ST6GALNAC5: variants seen among roughly 807,000 people sequenced by gnomAD.
The protein encoded by ST6GALNAC5 is ST6 N-acetylgalactosaminide alpha-2,6-sialyltransferase 5, also known as alpha-N-acetylgalactosaminide alpha-2,6-sialyltransferase 5.
In ST6GALNAC5, 27 loss-of-function variants were observed where a neutral mutation model predicts 33.6. The ratio of observed to expected loss-of-function variants is 0.80; its 90% confidence interval spans 0.59 to 1.11. The LOEUF (loss-of-function observed/expected upper bound fraction) is 1.11, where lower values mean the gene tolerates loss of function less well. ST6GALNAC5 is among the 50% of genes least tolerant of loss of function. The pLI, the probability that ST6GALNAC5 is intolerant of heterozygous loss-of-function variation, is 0.00. For missense variants in ST6GALNAC5, 428 were observed against 454.0 expected (o/e 0.94, Z 0.52); for synonymous variants, 194 against 171.2 (o/e 1.13, Z -1.04).
At chr1:77,028,730 A>G (rs1183535375) in intron 2 of ST6GALNAC5, among the ~76,000 whole-genome samples, 2 of 152,216 alleles carry the variant, frequency 1.3e-5, no homozygotes. Context: ...GAACCCTCAC[A>G]GCTTTATGAG....
At chr1:76,938,489 A>G (rs1353317586) in intron 2 of ST6GALNAC5, among the ~76,000 whole-genome samples, 1 of 151,804 alleles carries the variant, frequency 6.6e-6, no homozygotes, top group Non-Finnish European at 1.5e-5. Context: ...AAATAGAACA[A>G]CTCTCCAGAG....
chr1:77,044,319 C>T lies in ST6GALNAC5; in HGVS notation c.377C>T (p.Ala126Val), dbSNP rs1651930716. ...GAGTGTGTCATCCGCATGAATGACG[C>T]CCCCACACGCGGCTATGGGCGTGAC... ...QTECVIRMNDAPTRGYGRDVG... is the reference protein window; with the variant it reads ...QTECVIRMNDVPTRGYGRDVG... The change falls in exon 3 of 5, where the codon GCC becomes GTC. Residue 126 changes from alanine to valine, a missense_variant. By Grantham distance (64) the Ala-to-Val change is moderately conservative. Transcript: ENST00000477717. The T allele has an allele frequency of 6.2e-7, 1 of 1,613,976 alleles. No homozygotes were observed. The highest frequency in any genetic ancestry group is 8.5e-7 in the Non-Finnish European group (1 of 1,180,040).
At chr1:76,968,541 C>T (rs908526836) in intron 2 of ST6GALNAC5, among the ~76,000 whole-genome samples, 1 of 152,170 alleles carries the variant, frequency 6.6e-6, no homozygotes, top group Non-Finnish European at 1.5e-5. Context: ...TCCAATTTTC[C>T]AGTCTGTGCC....
At chr1:76,960,496 A>T (rs1196338513) in intron 2 of ST6GALNAC5, among the ~76,000 whole-genome samples, 1 of 152,160 alleles carries the variant, frequency 6.6e-6, no homozygotes, top group Non-Finnish European at 1.5e-5. Flanking sequence ...ATAACATCTT[A>T]TCAGGAGCCA....
intron 2 of ST6GALNAC5, among the ~76,000 whole-genome samples, chr1:76,892,290 G>C (rs897717638): frequency 6.6e-6 from 1 of 152,092 alleles, no homozygotes; most frequent in Admixed American, 6.5e-5. Flanking sequence ...CTTTTTTCTT[G>C]ATGTTGTTTC....
At chr1:76,876,996 G>A (rs1167036240) in intron 2 of ST6GALNAC5, among the ~76,000 whole-genome samples, 3 of 152,146 alleles carry the variant, frequency 2.0e-5, no homozygotes, top group Admixed American at 6.5e-5. Context: ...GCCCGATCAC[G>A]TATACACCAC....
chr1:76,975,497 A>G (rs923943569), intron 2 of ST6GALNAC5, among the ~76,000 whole-genome samples: 3 of 152,220 alleles, frequency 2.0e-5, no homozygotes, highest in African/African-American at 7.2e-5. Context: ...ATTTGAAATA[A>G]TCTACAGGTT....
Position 77,000,973 on chromosome 1 carries a change from G to A in ST6GALNAC5, c.262-43231G>A, listed in dbSNP as rs28862288. On this transcript the variant is annotated intron_variant, in intron 2 of 4. Transcript: ENST00000477717. ...TGGCTTAGGATTGCCTTGGCGATGC[G>A]GGCTCTTTTTTGGTTCCATATGAAC... 1.5e-4 allele frequency among the ~76,000 whole-genome samples: 23 copies of A among 151,134 alleles called. 1 individual carries two copies. Among genetic ancestry groups the A allele is most frequent in the African/African-American group, 4.4e-4 (18 of 41,306 alleles).
intron 2 of ST6GALNAC5, among the ~76,000 whole-genome samples, chr1:77,012,712 G>C (rs1172972870): frequency 6.6e-6 from 1 of 152,136 alleles, no homozygotes; most frequent in Non-Finnish European, 1.5e-5. Flanking sequence ...GGGTGAATTA[G>C]AAAAGGGATT....
Position 76,916,603 on chromosome 1 carries a change from A to C in ST6GALNAC5, c.261+47861A>C, listed in dbSNP as rs563085646. 2.6e-5 allele frequency among the ~76,000 whole-genome samples: 4 copies of C among 152,272 alleles called. No individual in the cohort carries two copies. The South Asian group carries it at 8.3e-4, about 32-fold the overall frequency. ...AGGATGGGAACTTGAAGCAATCTTT[A>C]GTGCTTAATAAGGAGAAACCACAAG... On this transcript the variant is annotated intron_variant, in intron 2 of 4. Transcript: ENST00000477717.
chr1:76,972,887 C>T (rs1327948915), intron 2 of ST6GALNAC5, among the ~76,000 whole-genome samples: 1 of 151,408 alleles, frequency 6.6e-6, no homozygotes, highest in Admixed American at 6.6e-5. Flanking sequence ...TTCTGTGTAA[C>T]TTTTTTTTTG....
chr1:77,065,872 C>G lies in ST6GALNAC5; in HGVS notation c.*2666C>G, dbSNP rs1158485308. Among the ~76,000 whole-genome samples, 1 of 152,192 alleles carries G rather than the reference C, an allele frequency of 6.6e-6. No individual in the cohort carries two copies. Among genetic ancestry groups the G allele is most frequent in the Non-Finnish European group, 1.5e-5 (1 of 68,040 alleles). On this transcript the variant is annotated 3_prime_UTR_variant, in exon 5 of 5. Transcript: ENST00000477717. ...AGACCACAGTAATACAATGCCACAG[C>G]TGGTCGATCCATGGCTTCTGTTATT... is the stretch of plus-strand genomic sequence containing the variant.
At chr1:77,026,515 G>A (rs1390027198) in intron 2 of ST6GALNAC5, among the ~76,000 whole-genome samples, 1 of 144,648 alleles carries the variant, frequency 6.9e-6, no homozygotes, top group Non-Finnish European at 1.5e-5. Flanking sequence ...GGGGTTCAGA[G>A]GGCTAAGCTT....
chr1:77,054,403 A>G (rs188677625), intron 4 of ST6GALNAC5, among the ~76,000 whole-genome samples: 46 of 152,348 alleles, frequency 3.0e-4, no homozygotes, highest in African/African-American at 1.0e-3. Flanking sequence ...GGGCAGACCC[A>G]GTTGGCTCTG....
chr1:76,980,629 G>T (rs1649211167), intron 2 of ST6GALNAC5, among the ~76,000 whole-genome samples: 1 of 152,142 alleles, frequency 6.6e-6, no homozygotes, highest in Non-Finnish European at 1.5e-5. Flanking sequence ...GGAAAGAATA[G>T]GTTTTTCAAC....
chr1:76,868,121 AG>A lies in ST6GALNAC5; in HGVS notation c.16-372del, dbSNP rs1462576428. Among the ~76,000 whole-genome samples, 3 of 152,106 alleles carry A rather than the reference AG, an allele frequency of 2.0e-5. No homozygotes were observed. The highest frequency in any genetic ancestry group is 4.8e-5 in the African/African-American group (2 of 41,412). On this transcript the variant is annotated intron_variant, in intron 1 of 4. Transcript: ENST00000477717. This position sits in a 1 kb window ranked among gnomAD's most constrained non-coding sequence, Gnocchi z 4.3. ...CAAGGATCCAGGGCCCCAGGAAAGG[AG>A]GGGTGTGAAGGACTCAAAATTCCAG...
chr1:76,949,519 T>C (rs576962201), intron 2 of ST6GALNAC5, among the ~76,000 whole-genome samples: 1 of 152,288 alleles, frequency 6.6e-6, no homozygotes, highest in Non-Finnish European at 1.5e-5. Context: ...GGTGTCCTTT[T>C]GGCCTCTCTG....
chr1:76,962,635 TG>T (rs1207635958), intron 2 of ST6GALNAC5, among the ~76,000 whole-genome samples: 1 of 152,220 alleles, frequency 6.6e-6, no homozygotes, highest in Non-Finnish European at 1.5e-5. Context: ...AATCTGTGAA[TG>T]AATTCTCTTT....
intron 2 of ST6GALNAC5, among the ~76,000 whole-genome samples, chr1:77,030,140 C>T (rs1218111769): frequency 6.6e-6 from 1 of 152,180 alleles, no homozygotes; most frequent in Non-Finnish European, 1.5e-5. Flanking sequence ...TCTGATTTCT[C>T]CTGCCATTTT....
Sources: allele counts gnomAD v4.1 joint callset (sites outside exome capture counted in the v4.1 genomes callset), GRCh38; gene constraint gnomAD v4.1.1; non-coding constraint Gnocchi (gnomAD v3.1); transcripts MANE v1.5; gene names NCBI Gene and HGNC (gene_info 2026-07-23, HGNC 2026-07-21).